WT1: variants seen among roughly 807,000 people sequenced by gnomAD.
WT1 encodes the protein WT1 transcription factor, also known as Wilms tumor protein.
In WT1, 8 loss-of-function variants were observed where a neutral mutation model predicts 60.8. The ratio of observed to expected loss-of-function variants is 0.13; its 90% CI spans 0.08 to 0.24. The LOEUF (loss-of-function observed/expected upper bound fraction) is 0.24. Ranked by LOEUF, WT1 falls within the 10% of genes least tolerant of loss-of-function variation. The pLI is 1.00. For synonymous variants in WT1, 312 were observed against 297.1 expected, an observed-to-expected ratio of 1.05 and a Z score of -0.52; for missense variants, 568 against 711.8, an observed-to-expected ratio of 0.80 and a Z score of 2.30.
At chr11:32,430,489 AG>A in intron 1 of WT1, 1 of 1,571,786 alleles carries the variant, frequency 6.4e-7, no homozygotes, top group Admixed American at 1.7e-5. Context: ...AGAGAGAGAG[AG>A]ACGAAATAGA....
At chr11:32,429,743 C>T (rs1029694847) in intron 1 of WT1, among the ~76,000 whole-genome samples, 5 of 151,990 alleles carry the variant, frequency 3.3e-5, no homozygotes, top group Admixed American at 3.3e-4. Context: ...CAGGGCCACC[C>T]CAGCAGCCTC....
chr11:32,394,055 G>A (rs920016787), intron 7 of WT1, among the ~76,000 whole-genome samples: 47 of 152,230 alleles, frequency 3.1e-4, no homozygotes, highest in African/African-American at 1.0e-3. Flanking sequence ...AGCACACTTG[G>A]CTAAATTTTT....
chr11:32,430,637 G>A, intron 1 of WT1: 3 of 1,519,840 alleles, frequency 2.0e-6, no homozygotes. Context: ...TGGGTCCCGA[G>A]TCGCGGCACC....
At position 32,429,242 on chromosome 11, in the gene WT1, C is replaced by T. The variant is rs961067785; in HGVS notation, c.662-623G>A. ...AAACAAGGGCCCCTTCCAGTTGGGC[C>T]TTCAGATGGCGACCCTGCGCTCTCC... On this transcript the variant is annotated intron_variant, in intron 1 of 9. Coordinates refer to ENST00000452863, the MANE Select transcript of WT1 (RefSeq NM_024426.6). 2.6e-5 allele frequency among the ~76,000 whole-genome samples: 4 copies of T among 152,348 alleles called. No homozygotes were observed. In the East Asian group the frequency reaches 7.7e-4, roughly 29 times the overall value.
At chr11:32,413,955 G>C (rs1288725486) in intron 5 of WT1, among the ~76,000 whole-genome samples, 2 of 152,270 alleles carry the variant, frequency 1.3e-5, no homozygotes, top group East Asian at 3.9e-4. Flanking sequence ...TAAAAAATTG[G>C]ATGTGGCCAT....
chr11:32,389,084 T>C lies in WT1; in HGVS notation c.1543A>G (p.Met515Val). 1 of 1,614,256 alleles carries C rather than the reference T, an allele frequency of 6.2e-7. No individual in the cohort carries two copies. The highest frequency in any genetic ancestry group is 8.5e-7 in the Non-Finnish European group (1 of 1,180,038). ...CAAAGCGCCAGCTGGAGTTTGGTCA[T>C]GTTTCTCTGATGCATGTTGTGATGG... The change falls in exon 10 of 10, where the codon ATG (methionine) becomes GTG (valine). Residue 515 changes from methionine (M) to valine (V), a missense_variant. Physicochemically the swap from Met to Val is conservative, Grantham distance 21. Coordinates refer to ENST00000452863, the MANE Select transcript of WT1 (RefSeq NM_024426.6).
rs961309280 is a variant in WT1, at chr11:32,434,893, C to T, written c.468G>A (p.Pro156=). Reference sequence around the variant, plus strand: ...AGGCGCTCAGGCACTGCTCCTCGTGCGGCTCCGCGCCGCCCCAGCTCGGCT... The same window carrying T: ...AGGCGCTCAGGCACTGCTCCTCGTGTGGCTCCGCGCCGCCCCAGCTCGGCT... The change falls in exon 1 of 10, where the codon CCG becomes CCA. Residue 156 remains proline, a synonymous_variant. Coordinates refer to ENST00000452863, the MANE Select transcript of WT1 (RefSeq NM_024426.6). 1.2e-6 allele frequency: 2 copies of T among 1,611,694 alleles called. No homozygotes were observed. The highest frequency in any genetic ancestry group is 2.2e-5 in the East Asian group (1 of 44,816).
Position 32,388,899 on chromosome 11 carries a change from C to G in WT1, c.*159G>C, listed in dbSNP as rs746218880. The G allele has an allele frequency of 1.0e-4, 137 of 1,347,840 alleles. No homozygotes were observed. Among genetic ancestry groups the G allele is most frequent in the Non-Finnish European group, 1.0e-4 (100 of 983,332 alleles). 83.5% of individuals were successfully genotyped at this position (1,347,840 alleles called of 1,614,324 possible). On this transcript the variant is annotated 3_prime_UTR_variant, in exon 10 of 10. Coordinates refer to ENST00000452863, the MANE Select transcript of WT1 (RefSeq NM_024426.6). The stretch of plus-strand genomic sequence containing the variant: ...GCAGAGACCAACTCTTCCAGGCACA[C>G]CTGGTAGTTTCCAGAAGCACCGGTA...
intron 5 of WT1, among the ~76,000 whole-genome samples, chr11:32,402,418 T>C (rs1852185271): frequency 6.6e-6 from 1 of 152,242 alleles, no homozygotes; most frequent in African/African-American, 2.4e-5. Flanking sequence ...AATGGCCATT[T>C]GGCAGCAGAA....
At chr11:32,394,122 C>A (rs1429237281) in intron 7 of WT1, among the ~76,000 whole-genome samples, 1 of 151,996 alleles carries the variant, frequency 6.6e-6, no homozygotes, top group African/African-American at 2.4e-5. Flanking sequence ...GGTCTTGAAC[C>A]CCTTAAGCAA....
chr11:32,433,725 A>G (rs1319667838), intron 1 of WT1, among the ~76,000 whole-genome samples: 1 of 152,244 alleles, frequency 6.6e-6, no homozygotes, highest in Admixed American at 6.5e-5. Context: ...CCCAGGCGAA[A>G]GAGAGGTGGG....
rs1351978384 is a variant in WT1, at chr11:32,429,472, C to G, written c.662-853G>C. ...GGGAAATCCTAGCATTCCCCCCCCC[C>G]CCCAAAGTGAGAAAAAGAGCGTGGA... On this transcript the variant is annotated intron_variant, in intron 1 of 9. Coordinates refer to ENST00000452863, the MANE Select transcript of WT1 (RefSeq NM_024426.6). 3.0e-4 allele frequency among the ~76,000 whole-genome samples: 45 copies of G among 147,984 alleles called. No individual in the cohort carries two copies. The East Asian group carries it at 4.9e-3, about 16-fold the overall frequency.
chr11:32,429,084 C>G, intron 1 of WT1: 1 of 280,832 alleles, frequency 3.6e-6, no homozygotes, highest in African/African-American at 2.2e-5. Context: ...CGCGCACCAA[C>G]TTTCATTAAT....
intron 5 of WT1, among the ~76,000 whole-genome samples, chr11:32,403,295 T>C (rs1852210683): frequency 1.3e-5 from 2 of 152,184 alleles, no homozygotes; most frequent in South Asian, 4.1e-4. Context: ...TACAACGTAC[T>C]GGCATCTGAT....
At chr11:32,421,676 G>A (rs868771206) in intron 3 of WT1, among the ~76,000 whole-genome samples, 5 of 152,092 alleles carry the variant, frequency 3.3e-5, no homozygotes, top group African/African-American at 1.2e-4. Flanking sequence ...GTTTTGGCCT[G>A]AACTGCAGTA....
Position 32,429,223 on chromosome 11 carries a change from G to A in WT1, c.662-604C>T, listed in dbSNP as rs5030159. Among the ~76,000 whole-genome samples, 408 of 152,336 alleles carry A rather than the reference G, an allele frequency of 2.7e-3. 1 individual carries two copies. The highest frequency in any genetic ancestry group is 9.4e-3 in the African/African-American group (389 of 41,580). On this transcript the variant is annotated intron_variant, in intron 1 of 9. Coordinates refer to ENST00000452863, the MANE Select transcript of WT1 (RefSeq NM_024426.6). Reference sequence around the variant, plus strand: ...GGAAAGCTGGTGAGGGGGAAAACAAGGGCCCCTTCCAGTTGGGCCTTCAGA... The same window carrying A: ...GGAAAGCTGGTGAGGGGGAAAACAAAGGCCCCTTCCAGTTGGGCCTTCAGA...
At chr11:32,417,530 C>G in intron 4 of WT1, 47 bp downstream of exon 4, 1 of 1,533,298 alleles carries the variant, frequency 6.5e-7, no homozygotes, top group Non-Finnish European at 9.0e-7. Flanking sequence ...ATGGTTCAAA[C>G]AGGTATAAGT....
At chr11:32,411,164 G>T (rs534492496) in intron 5 of WT1, among the ~76,000 whole-genome samples, 1 of 151,048 alleles carries the variant, frequency 6.6e-6, no homozygotes, top group East Asian at 1.9e-4. Flanking sequence ...TTCCAACTTG[G>T]CCCCTTCTCC....
chr11:32,426,539 G>A (rs1345152613), intron 3 of WT1, among the ~76,000 whole-genome samples: 5 of 152,194 alleles, frequency 3.3e-5, no homozygotes, highest in Non-Finnish European at 4.4e-5. Flanking sequence ...GTGCAGAACA[G>A]GAATGATTTC....
Sources: gnomAD v4.1 joint callset for allele counts (sites outside exome capture counted in the v4.1 genomes callset) on GRCh38, gnomAD v4.1.1 for gene constraint, MANE v1.5 for transcripts, NCBI Gene and HGNC (gene_info 2026-07-23, HGNC 2026-07-21) for gene names.